TPST1: variants seen among roughly 807,000 people sequenced by gnomAD.
The protein encoded by TPST1 is protein-tyrosine sulfotransferase 1.
A neutral mutation model predicts 34.8 loss-of-function variants in TPST1; 20 were observed. The ratio of observed to expected loss-of-function variants is 0.57; its 90% CI spans 0.40 to 0.84. TPST1 has a LOEUF of 0.84. Among genes scored for constraint, TPST1 ranks in the 40% least tolerant of loss-of-function variants. The probability of loss-of-function intolerance (pLI) is 0.00; values close to 1 mark genes in which losing one functional copy is unlikely to be tolerated. For missense variants in TPST1, 353 were observed against 455.5 expected, an observed-to-expected ratio of 0.78 and a Z score of 2.05; for synonymous variants, 152 against 159.4, an observed-to-expected ratio of 0.95 and a Z score of 0.35.
intron 4 of TPST1, 143 bp downstream of exon 4, chr7:66,352,698 G>A: frequency 1.3e-6 from 2 of 1,486,384 alleles, no homozygotes; most frequent in Non-Finnish European, 1.8e-6. Context: ...ATATGTGCTG[G>A]GGAAGAAAGA....
intron 1 of TPST1, among the ~76,000 whole-genome samples, chr7:66,236,079 TTGAC>T (rs1789907081): frequency 6.6e-6 from 1 of 152,160 alleles, no homozygotes; most frequent in Non-Finnish European, 1.5e-5. Context: ...GAAAAATACT[TTGAC>T]AGACAGTGAG....
intron 2 of TPST1, among the ~76,000 whole-genome samples, chr7:66,261,301 T>C (rs1051715659): frequency 1.3e-5 from 2 of 148,696 alleles, no homozygotes; most frequent in Non-Finnish European, 3.0e-5. Context: ...GATATTTCAA[T>C]ATGGTCCTTT....
intron 4 of TPST1, among the ~76,000 whole-genome samples, chr7:66,353,804 T>C (rs1792529024): frequency 1.3e-5 from 2 of 152,084 alleles, no homozygotes; most frequent in African/African-American, 4.8e-5. Context: ...CAGATAGAGG[T>C]TGGTGAAGCA....
At chr7:66,328,556 G>GT (rs1025470690) in intron 3 of TPST1, among the ~76,000 whole-genome samples, 49 of 150,200 alleles carry the variant, frequency 3.3e-4, no homozygotes, top group African/African-American at 7.3e-4. Flanking sequence ...TTTTTTTGTT[G>GT]TTTTTTTTGA....
At chr7:66,234,627 C>T (rs1789873029) in intron 1 of TPST1, among the ~76,000 whole-genome samples, 1 of 152,008 alleles carries the variant, frequency 6.6e-6, no homozygotes. Context: ...ATGTATAGAT[C>T]CTTACATCTA....
At chr7:66,212,516 A>G (rs7787482) in intron 1 of TPST1, among the ~76,000 whole-genome samples, 96,607 of 149,872 alleles carry the variant, frequency 0.64, 31,609 homozygotes, top group African/African-American at 0.74. Context: ...CTGGAGTGCA[A>G]TGATATGATC....
chr7:66,255,178 G>A (rs1001918546), intron 2 of TPST1, among the ~76,000 whole-genome samples: 2 of 150,620 alleles, frequency 1.3e-5, no homozygotes, highest in East Asian at 1.9e-4. Flanking sequence ...TTGTTTTTAA[G>A]TGGGGACAGT....
At position 66,324,410 on chromosome 7, in the gene TPST1, T is replaced by G. The variant is rs567544049; in HGVS notation, c.1045-28095T>G. On this transcript the variant is annotated intron_variant, in intron 3 of 5. Transcript: ENST00000304842. ...CTGTTTAGCTGTGGTTTGCACATTT[T>G]CCTTTACGTATAAACTTTTTACATA... 9.2e-5 allele frequency among the ~76,000 whole-genome samples: 14 copies of G among 152,356 alleles called. No homozygotes were observed. The South Asian group carries it at 2.7e-3, about 29-fold the overall frequency.
intron 3 of TPST1, among the ~76,000 whole-genome samples, chr7:66,334,207 C>G (rs1320829012): frequency 2.0e-5 from 3 of 152,208 alleles, no homozygotes; most frequent in Non-Finnish European, 2.9e-5. Context: ...CCCACCTCCC[C>G]CTCTGCAGAA....
chr7:66,315,744 G>A (rs189377485), intron 3 of TPST1, among the ~76,000 whole-genome samples: 3 of 152,254 alleles, frequency 2.0e-5, no homozygotes, highest in Admixed American at 2.0e-4. Flanking sequence ...ATGGAATTAC[G>A]GAGGGAGTAG....
chr7:66,318,446 T>C (rs1268122800), intron 3 of TPST1, among the ~76,000 whole-genome samples: 1 of 152,150 alleles, frequency 6.6e-6, no homozygotes, highest in East Asian at 1.9e-4. Context: ...GTTTCCTTTT[T>C]TTTCCCCCAA....
rs1424389627 is a variant in TPST1, at chr7:66,340,680, C to T, written c.1045-11825C>T. Among the ~76,000 whole-genome samples the T allele has an allele frequency of 2.6e-5, 4 of 152,124 alleles. No homozygotes were observed. In the South Asian group the frequency reaches 6.2e-4, roughly 24 times the overall value. On this transcript the variant is annotated intron_variant, in intron 3 of 5. Coordinates refer to ENST00000304842, the MANE Select transcript of TPST1 (RefSeq NM_003596.4). Reference sequence around the variant, plus strand: ...ATAAAATACCTAGGCATGAACTTAACCAAATAAGTGAAGAATCTCTGTGAT... The same window carrying T: ...ATAAAATACCTAGGCATGAACTTAATCAAATAAGTGAAGAATCTCTGTGAT...
chr7:66,325,811 T>G (rs1231355702), intron 3 of TPST1, among the ~76,000 whole-genome samples: 1 of 151,386 alleles, frequency 6.6e-6, no homozygotes. Flanking sequence ...AATTTTTGTA[T>G]TTTTAGTAGA....
intron 3 of TPST1, among the ~76,000 whole-genome samples, chr7:66,298,220 C>T (rs1791241608): frequency 6.6e-6 from 1 of 152,054 alleles, no homozygotes; most frequent in South Asian, 2.1e-4. Context: ...CAGTCTAAAT[C>T]TTATTTGATT....
chr7:66,342,916 G>C (rs1306074743), intron 3 of TPST1, among the ~76,000 whole-genome samples: 1 of 152,146 alleles, frequency 6.6e-6, no homozygotes, highest in East Asian at 1.9e-4. Flanking sequence ...GCATGAGTTG[G>C]AGGGGAAAAA....
At chr7:66,284,723 A>G (rs1415728718) in intron 2 of TPST1, among the ~76,000 whole-genome samples, 1 of 151,818 alleles carries the variant, frequency 6.6e-6, no homozygotes, top group Non-Finnish European at 1.5e-5. Context: ...CACCTGGCTA[A>G]TTTTTGTATT....
chr7:66,262,539 T>G (rs1790508524), intron 2 of TPST1, among the ~76,000 whole-genome samples: 1 of 151,370 alleles, frequency 6.6e-6, no homozygotes, highest in African/African-American at 2.5e-5. Context: ...AAGATGCCTG[T>G]TTTTTTAGCT....
intron 3 of TPST1, among the ~76,000 whole-genome samples, chr7:66,320,759 C>T (rs555519245): frequency 1.6e-4 from 24 of 151,180 alleles, no homozygotes; most frequent in Non-Finnish European, 2.8e-4. Flanking sequence ...CCACCACGCC[C>T]GGCTAATTTT....
chr7:66,232,944 T>G (rs1447715035), intron 1 of TPST1, among the ~76,000 whole-genome samples: 3 of 152,230 alleles, frequency 2.0e-5, no homozygotes, highest in African/African-American at 7.2e-5. Flanking sequence ...TGATTTGTAT[T>G]TTCCTAGACT....
Sources: gnomAD v4.1 joint callset for allele counts (sites outside exome capture counted in the v4.1 genomes callset) on GRCh38, gnomAD v4.1.1 for gene constraint, MANE v1.5 for transcripts, NCBI Gene and HGNC (gene_info 2026-07-23, HGNC 2026-07-21) for gene names.